MAF: variants seen among roughly 807,000 people sequenced by gnomAD.
The protein encoded by MAF is transcription factor Maf.
MAF carries 10 observed loss-of-function variants against 22.0 expected under a neutral mutation model. That is an observed-to-expected ratio of 0.45 (90% confidence interval 0.28 to 0.77). MAF has a LOEUF of 0.77. Among genes scored for constraint, MAF ranks in the 30% least tolerant of loss-of-function variants. The pLI is 0.12. For synonymous variants in MAF, 337 were observed against 255.8 expected, an observed-to-expected ratio of 1.32 and a Z score of -3.03; for missense variants, 544 against 548.4, an observed-to-expected ratio of 0.99 and a Z score of 0.08.
the MAF span, among the ~76,000 whole-genome samples, chr16:79,531,384 T>C: frequency 0.33 from 50,871 of 151,962 alleles, 8,947 homozygotes; most frequent in East Asian, 0.5. Flanking sequence ...AATTTTTCCA[T>C]GGACTGGGAG....
the MAF span, among the ~76,000 whole-genome samples, chr16:79,489,727 G>A: frequency 6.8e-3 from 1,037 of 152,328 alleles, 13 homozygotes; most frequent in African/African-American, 0.024. Flanking sequence ...AAAATAGAAG[G>A]CAAAGCTTCA....
the MAF span, among the ~76,000 whole-genome samples, chr16:79,423,749 T>G: frequency 6.6e-6 from 1 of 152,284 alleles, no homozygotes; most frequent in Admixed American, 6.5e-5. Context: ...GTGCAAGAGC[T>G]CCTGGGAACC....
the MAF span, among the ~76,000 whole-genome samples, chr16:79,295,466 A>C: frequency 2.6e-5 from 4 of 152,182 alleles, no homozygotes; most frequent in African/African-American, 7.2e-5. Context: ...CCTTATTTGA[A>C]CATGGTTTGA....
At chr16:79,372,463 A>C in the MAF span, among the ~76,000 whole-genome samples, 4 of 152,234 alleles carry the variant, frequency 2.6e-5, no homozygotes, top group African/African-American at 9.6e-5. Context: ...TTTTCTTAAA[A>C]GCATGTTAAA....
chr16:79,244,032 C>G, the MAF span, among the ~76,000 whole-genome samples: 2 of 152,024 alleles, frequency 1.3e-5, no homozygotes, highest in African/African-American at 4.8e-5. Flanking sequence ...CATGCTAAAA[C>G]TCTCAATAAA....
At chr16:79,211,867 G>A in the MAF span, 4 of 1,597,588 alleles carry the variant, frequency 2.5e-6, no homozygotes, top group Admixed American at 1.7e-5. Context: ...CCAGGGCTGG[G>A]CCCCTTCCAA....
At chr16:79,235,226 C>T in the MAF span, among the ~76,000 whole-genome samples, 6 of 151,920 alleles carry the variant, frequency 3.9e-5, no homozygotes, top group Non-Finnish European at 8.8e-5. Flanking sequence ...GTCAATTTAC[C>T]TCATTTCACT....
the MAF span, among the ~76,000 whole-genome samples, chr16:79,266,026 TTC>T: frequency 2.1e-5 from 3 of 143,666 alleles, no homozygotes; most frequent in Non-Finnish European, 4.5e-5. Context: ...CTTTCTTTTC[TTC>T]TTTTCTTTTC....
chr16:79,304,699 T>C, the MAF span, among the ~76,000 whole-genome samples: 2 of 152,190 alleles, frequency 1.3e-5, no homozygotes, highest in African/African-American at 2.4e-5. Context: ...ACACACTCGC[T>C]TCCTAATCAT....
the MAF span, among the ~76,000 whole-genome samples, chr16:79,356,318 G>T: frequency 6.6e-6 from 1 of 152,018 alleles, no homozygotes; most frequent in Non-Finnish European, 1.5e-5. Context: ...TTTAACTAAC[G>T]AGCAGGAAAT....
the MAF span, among the ~76,000 whole-genome samples, chr16:79,492,276 G>A: frequency 5.9e-5 from 9 of 152,192 alleles, no homozygotes; most frequent in Middle Eastern, 3.4e-3. Context: ...GGTGAGCGAC[G>A]CATTCATTCC....
rs1317374032 is a variant in MAF at position 79,600,503 on chromosome 16, C to G, written c.-601G>C. On this transcript the variant is annotated 5_prime_UTR_variant, in exon 1 of 2. Coordinates refer to ENST00000326043, the MANE Select transcript of MAF (RefSeq NM_005360.5). ...TTATTATTTTTTTTCTTTCCTCTCT[C>G]TCCCTCGCGCGCTCTCTACCTCTGT... The G allele has an allele frequency of 1.0e-5, 2 of 195,408 alleles. No individual in the cohort carries two copies. The highest frequency in any genetic ancestry group is 4.7e-5 in the African/African-American group (2 of 42,116). 12.1% of individuals were successfully genotyped at this position (195,408 alleles called of 1,614,324 possible).
chr16:79,519,580 C>T, the MAF span, among the ~76,000 whole-genome samples: 11 of 152,318 alleles, frequency 7.2e-5, no homozygotes, highest in East Asian at 1.9e-4. Context: ...AGTTCCTTAT[C>T]GCTTGTCATC....
At chr16:79,240,043 T>C in the MAF span, among the ~76,000 whole-genome samples, 1 of 151,948 alleles carries the variant, frequency 6.6e-6, no homozygotes, top group East Asian at 1.9e-4. Context: ...GGTGGGCACA[T>C]GGCTTCCCTT....
chr16:79,419,077 C>T, the MAF span, among the ~76,000 whole-genome samples: 1 of 152,176 alleles, frequency 6.6e-6, no homozygotes, highest in Non-Finnish European at 1.5e-5. Context: ...AGGAAATACA[C>T]CAGTCTAAAT....
At chr16:79,234,087 G>C in the MAF span, among the ~76,000 whole-genome samples, 10,603 of 151,552 alleles carry the variant, frequency 0.07, 567 homozygotes, top group Middle Eastern at 0.15. Flanking sequence ...TCCTGAACCC[G>C]CCCACCCTCC....
chr16:79,403,001 C>T, the MAF span, among the ~76,000 whole-genome samples: 3 of 152,164 alleles, frequency 2.0e-5, no homozygotes, highest in African/African-American at 4.8e-5. Flanking sequence ...AGGGGCTGGG[C>T]CCTGGTTGTG....
the MAF span, among the ~76,000 whole-genome samples, chr16:79,573,516 C>T: frequency 6.6e-6 from 1 of 152,170 alleles, no homozygotes; most frequent in Non-Finnish European, 1.5e-5. Context: ...TCAAACAGGA[C>T]CAGCATTTAT....
the MAF span, among the ~76,000 whole-genome samples, chr16:79,368,410 A>G: frequency 3.9e-5 from 6 of 152,108 alleles, no homozygotes; most frequent in African/African-American, 1.2e-4. Context: ...CTCATGTTCC[A>G]CGGGTCTACG....
Sources: gnomAD v4.1 joint callset for allele counts (sites outside exome capture counted in the v4.1 genomes callset) on GRCh38, gnomAD v4.1.1 for gene constraint, MANE v1.5 for transcripts, NCBI Gene and HGNC (gene_info 2026-07-23, HGNC 2026-07-21) for gene names.